Variants in PTCHD4 observed in about 807,000 individuals in gnomAD.
PTCHD4 encodes the protein patched domain containing 4, also known as patched domain-containing protein 4.
In PTCHD4, 33 loss-of-function variants were observed where a neutral mutation model predicts 58.1. That is an observed-to-expected ratio of 0.57 (90% CI 0.43 to 0.76). The LOEUF (loss-of-function observed/expected upper bound fraction) is 0.76. Ranked by LOEUF, PTCHD4 falls within the 30% of genes least tolerant of loss-of-function variation. The probability of loss-of-function intolerance (pLI) is 0.00; values close to 1 mark genes in which losing one functional copy is unlikely to be tolerated. For missense variants in PTCHD4, 1,058 were observed against 1,027.1 expected, an observed-to-expected ratio of 1.03 and a Z score of -0.41; for synonymous variants, 478 against 409.6, an observed-to-expected ratio of 1.17 and a Z score of -2.02.
intron 1 of PTCHD4, among the ~76,000 whole-genome samples, chr6:48,099,374 T>C (rs1765548885): frequency 6.6e-6 from 1 of 152,214 alleles, no homozygotes; most frequent in Admixed American, 6.5e-5. Flanking sequence ...TTGCACTTCC[T>C]GCCTCACAGA....
chr6:48,076,043 C>T (rs944648744), intron 1 of PTCHD4, among the ~76,000 whole-genome samples: 4 of 152,230 alleles, frequency 2.6e-5, no homozygotes, highest in Middle Eastern at 3.2e-3. Flanking sequence ...TCCTCTCAAA[C>T]CCTGTGCTAC....
chr6:48,065,929 C>A (rs1486225426), intron 3 of PTCHD4, among the ~76,000 whole-genome samples: 3 of 152,166 alleles, frequency 2.0e-5, no homozygotes, highest in Admixed American at 2.0e-4. Flanking sequence ...TGATTCCCTT[C>A]TTTAGCAATT....
Position 48,037,143 on chromosome 6 carries a change from C to T in PTCHD4, c.418-28029G>A, listed in dbSNP as rs560554297. On this transcript the variant is annotated intron_variant, in intron 3 of 4. Transcript: ENST00000339488. ...TCATCATGTAGGCATTGTATTATCTCACGTCATGACTAGAGAGTGAGTATA... is the reference window on the plus strand; with the variant it reads ...TCATCATGTAGGCATTGTATTATCTTACGTCATGACTAGAGAGTGAGTATA... Among the ~76,000 whole-genome samples, 29 of 152,220 alleles carry T rather than the reference C, an allele frequency of 1.9e-4. No individual in the cohort carries two copies. In the South Asian group the frequency reaches 5.8e-3, roughly 31 times the overall value.
At chr6:47,915,630 G>T (rs797000114) in intron 4 of PTCHD4, among the ~76,000 whole-genome samples, 1 of 149,466 alleles carries the variant, frequency 6.7e-6, no homozygotes, top group South Asian at 2.1e-4. Flanking sequence ...AAACTAAAAG[G>T]CACACCTGGA....
At chr6:47,996,012 T>C (rs1005425720) in intron 4 of PTCHD4, among the ~76,000 whole-genome samples, 5 of 152,214 alleles carry the variant, frequency 3.3e-5, no homozygotes, top group African/African-American at 1.2e-4. Flanking sequence ...TAAGGGTACA[T>C]GTGCAGGTTT....
At chr6:48,052,605 T>C (rs1343345710) in intron 3 of PTCHD4, among the ~76,000 whole-genome samples, 2 of 152,028 alleles carry the variant, frequency 1.3e-5, no homozygotes, top group African/African-American at 4.8e-5. Context: ...TTTGGAGGTG[T>C]GTTAGAGCAG....
In PTCHD4 at chr6:48,102,329, A is replaced by T. The variant is rs1765621970; in HGVS notation, c.-970+8720T>A. Among the ~76,000 whole-genome samples the T allele has an allele frequency of 3.3e-5, 5 of 152,258 alleles. No individual in the cohort carries two copies. The South Asian group carries it at 1.0e-3, about 31-fold the overall frequency. On this transcript the variant is annotated intron_variant, in intron 1 of 4. Transcript: ENST00000339488. The stretch of plus-strand genomic sequence containing the variant: ...GAACTTAACAGTTGCCTAAAGTCTT[A>T]CAAATATCTGATTGAAAATTATTCT...
chr6:48,036,690 A>G (rs1025563608), intron 3 of PTCHD4, among the ~76,000 whole-genome samples: 6 of 152,168 alleles, frequency 3.9e-5, no homozygotes, highest in African/African-American at 1.4e-4. Context: ...CAATATGCCA[A>G]AAGGAACCCA....
intron 4 of PTCHD4, among the ~76,000 whole-genome samples, chr6:47,976,614 A>G (rs1767699128): frequency 6.6e-6 from 1 of 151,908 alleles, no homozygotes; most frequent in South Asian, 2.1e-4. Flanking sequence ...AGATTGCACC[A>G]CTTTACTCCA....
Position 47,879,725 on chromosome 6 carries a change from GAC to G in PTCHD4, c.1108_1109del (p.Val370LeufsTer35). ...TGTAGAAGTAGTTCAACAGAATAGA[GAC>G]ACACATGTTTTGACAGAAGACCTTC... Reference protein sequence around the residue: ...AVKVFCQNMCVSILLNYFYIF... With the variant: ...AVKVFCQNMCXSILLNYFYIF... On this transcript the variant is annotated frameshift_variant, in exon 5 of 5. Transcript: ENST00000339488. LOFTEE classifies it high-confidence loss of function. 6.2e-7 allele frequency: 1 copy of G among 1,613,602 alleles called. No homozygotes were observed. Among genetic ancestry groups the G allele is most frequent in the Non-Finnish European group, 8.5e-7 (1 of 1,179,736 alleles).
intron 4 of PTCHD4, among the ~76,000 whole-genome samples, chr6:47,922,662 G>T (rs1765473249): frequency 6.6e-6 from 1 of 152,268 alleles, no homozygotes; most frequent in South Asian, 2.1e-4. Context: ...GGGTGCCCTT[G>T]TTCAATGAAC....
intron 3 of PTCHD4, among the ~76,000 whole-genome samples, chr6:48,023,920 C>T (rs913498842): frequency 3.3e-5 from 5 of 152,118 alleles, no homozygotes; most frequent in African/African-American, 9.7e-5. Context: ...GCAAAACCAC[C>T]TTGGCATCAC....
chr6:48,054,544 G>T (rs1018289917), intron 3 of PTCHD4, among the ~76,000 whole-genome samples: 2 of 152,058 alleles, frequency 1.3e-5, no homozygotes, highest in African/African-American at 4.8e-5. Flanking sequence ...CAAGTCAGAA[G>T]GTTTTACTTT....
At chr6:48,108,373 G>A (rs1562052948) in intron 1 of PTCHD4, among the ~76,000 whole-genome samples, 2 of 151,958 alleles carry the variant, frequency 1.3e-5, no homozygotes, top group Non-Finnish European at 2.9e-5. Context: ...AACACCGCAT[G>A]TTCTCACTCA....
intron 3 of PTCHD4, among the ~76,000 whole-genome samples, chr6:48,067,701 T>C (rs1299279410): frequency 5.3e-5 from 8 of 152,132 alleles, no homozygotes; most frequent in East Asian, 1.9e-4. Context: ...TTGAGCCCCA[T>C]AATGAAAAGA....
chr6:47,927,084 T>A (rs74778251), intron 4 of PTCHD4, among the ~76,000 whole-genome samples: 4,009 of 152,106 alleles, frequency 0.026, 137 homozygotes, highest in African/African-American at 0.076. Context: ...GGACTGGGGA[T>A]CCCCCAAGTT....
At chr6:48,056,740 T>C (rs1388705088) in intron 3 of PTCHD4, among the ~76,000 whole-genome samples, 1 of 152,186 alleles carries the variant, frequency 6.6e-6, no homozygotes, top group Non-Finnish European at 1.5e-5. Flanking sequence ...ATACAGAATA[T>C]GTTTCAGTAG....
chr6:47,983,758 T>G (rs1767970033), intron 4 of PTCHD4, among the ~76,000 whole-genome samples: 1 of 152,174 alleles, frequency 6.6e-6, no homozygotes, highest in Non-Finnish European at 1.5e-5. Context: ...CCTCTAAATA[T>G]TATGATAGTC....
chr6:47,916,240 C>T (rs959817025), intron 4 of PTCHD4, among the ~76,000 whole-genome samples: 1 of 152,004 alleles, frequency 6.6e-6, no homozygotes, highest in African/African-American at 2.4e-5. Context: ...CTTAGCAGTC[C>T]CGCTAGTTTC....
Sources: gnomAD v4.1 joint callset for allele counts (sites outside exome capture counted in the v4.1 genomes callset) on GRCh38, gnomAD v4.1.1 for gene constraint, MANE v1.5 for transcripts, NCBI Gene and HGNC (gene_info 2026-07-23, HGNC 2026-07-21) for gene names.